Variants in RFTN1 observed in about 807,000 individuals in gnomAD.
RFTN1 encodes the protein raftlin, lipid raft linker 1.
In RFTN1, 26 loss-of-function variants were observed where a neutral mutation model predicts 46.5. That is an observed-to-expected ratio of 0.56 (90% CI 0.41 to 0.78). The LOEUF is 0.78. Ranked by LOEUF, RFTN1 falls within the 30% of genes least tolerant of loss-of-function variation. RFTN1 has a pLI of 0.00. For synonymous variants in RFTN1, 261 were observed against 284.2 expected, an observed-to-expected ratio of 0.92 and a Z score of 0.82; for missense variants, 693 against 718.7, an observed-to-expected ratio of 0.96 and a Z score of 0.41.
intron 2 of RFTN1, among the ~76,000 whole-genome samples, chr3:16,491,962 T>C (rs895615356): frequency 6.6e-6 from 1 of 152,080 alleles, no homozygotes; most frequent in Non-Finnish European, 1.5e-5. Flanking sequence ...AACAAAAAAA[T>C]GGAGGGCCAA....
rs183354653 is a variant in RFTN1 at position 16,320,685 on chromosome 3, C to G, written c.1332+2691G>C. Among the ~76,000 whole-genome samples, 2 of 152,084 alleles carry G rather than the reference C, an allele frequency of 1.3e-5. No homozygotes were observed. The highest frequency in any genetic ancestry group is 2.9e-5 in the Non-Finnish European group (2 of 68,032). On this transcript the variant is annotated intron_variant, in intron 9 of 9. Transcript: ENST00000334133. This position sits in a 1 kb window ranked among gnomAD's most constrained non-coding sequence, Gnocchi z 4.5. ...AGCACTGTTCTGAGAAAAGGATGCT[C>G]GAGTAGAGCTAGAAAGGAGGAGAAT...
chr3:16,350,368 C>T (rs2072013528), intron 7 of RFTN1: 1 of 152,118 alleles, frequency 6.6e-6, no homozygotes, highest in African/African-American at 2.4e-5. Flanking sequence ...AAGAGATGGA[C>T]ATGAAGTATG....
At chr3:16,501,068 G>T (rs2125003827) in intron 1 of RFTN1, among the ~76,000 whole-genome samples, 1 of 152,248 alleles carries the variant, frequency 6.6e-6, no homozygotes, top group East Asian at 1.9e-4. Flanking sequence ...ACCCAGGATT[G>T]CGAGGCTGCA....
Position 16,321,141 on chromosome 3 carries a change from T to G in RFTN1, c.1332+2235A>C, listed in dbSNP as rs1469047961. On this transcript the variant is annotated intron_variant, in intron 9 of 9. Coordinates refer to ENST00000334133, the MANE Select transcript of RFTN1 (RefSeq NM_015150.2). The surrounding 1 kb of genome is among the most constrained non-coding windows in gnomAD (Gnocchi z 4.8). ...TGCAATGCCATTCCTCTAGATAGGG[T>G]GGCGGTTGGCCAGGTGGGCGAGGTA... Among the ~76,000 whole-genome samples the G allele has an allele frequency of 6.6e-6, 1 of 151,504 alleles. No homozygotes were observed. Among genetic ancestry groups the G allele is most frequent in the East Asian group, 1.9e-4 (1 of 5,160 alleles).
chr3:16,398,016 G>A (rs1055257478), intron 4 of RFTN1, among the ~76,000 whole-genome samples: 3 of 152,080 alleles, frequency 2.0e-5, no homozygotes, highest in Non-Finnish European at 4.4e-5. Context: ...GGAGGCTGAG[G>A]CAGGTGGATC....
At position 16,495,282 on chromosome 3, in the gene RFTN1, G is replaced by T. The variant is rs191506389; in HGVS notation, c.-8-1405C>A. Among the ~76,000 whole-genome samples, 434 of 152,360 alleles carry T rather than the reference G, an allele frequency of 2.8e-3. 9 individuals are homozygous for T. The highest frequency in any genetic ancestry group is 1.1e-3 in the Non-Finnish European group (72 of 68,042). On this transcript the variant is annotated intron_variant, in intron 1 of 9. Coordinates refer to ENST00000334133, the MANE Select transcript of RFTN1 (RefSeq NM_015150.2). The stretch of plus-strand genomic sequence containing the variant: ...TATTTAACTGCTGAAAAGCAAGCCG[G>T]CTGGCATCCACTGGGACAAAGCAGA...
At chr3:16,490,924 T>G (rs1426795367) in intron 2 of RFTN1, among the ~76,000 whole-genome samples, 1 of 152,128 alleles carries the variant, frequency 6.6e-6, no homozygotes, top group African/African-American at 2.4e-5. Context: ...ACTCAGCAAA[T>G]ATTTGCTGAT....
rs1156328503 is a variant in RFTN1 at position 16,449,222 on chromosome 3, A to AG, written c.146-15186dup. Among the ~76,000 whole-genome samples the AG allele has an allele frequency of 6.6e-6, 1 of 152,232 alleles. No homozygotes were observed. Among genetic ancestry groups the AG allele is most frequent in the Non-Finnish European group, 1.5e-5 (1 of 68,044 alleles). ...AGTTCTAAATTATGCAGATCCTATT[A>AG]GGCAAATAAAGAACAGAAATCTGGA... On this transcript the variant is annotated intron_variant, in intron 2 of 9. Coordinates refer to ENST00000334133, the MANE Select transcript of RFTN1 (RefSeq NM_015150.2). The surrounding 1 kb of genome is among the most constrained non-coding windows in gnomAD (Gnocchi z 5.1).
Position 16,316,802 on chromosome 3 carries a change from T to C in RFTN1, c.*26A>G. 5 of 1,612,904 alleles carry C rather than the reference T, an allele frequency of 3.1e-6. No homozygotes were observed. The African/African-American group carries it at 5.3e-5, about 17-fold the overall frequency. ...GATGCCTTGGGTTTGGCAACTCACC[T>C]AGTTTTAGCACAAATTGCCCAAGAC... On this transcript the variant is annotated 3_prime_UTR_variant, in exon 10 of 10. Transcript: ENST00000334133. The surrounding 1 kb of genome is among the most constrained non-coding windows in gnomAD (Gnocchi z 4.5).
intron 2 of RFTN1, among the ~76,000 whole-genome samples, chr3:16,455,880 G>T (rs2075896344): frequency 6.6e-6 from 1 of 152,116 alleles, no homozygotes; most frequent in African/African-American, 2.4e-5. Flanking sequence ...ATGCCAAGAA[G>T]AAATACAAAT....
intron 4 of RFTN1, among the ~76,000 whole-genome samples, chr3:16,399,142 T>C (rs1262378794): frequency 6.6e-6 from 1 of 152,184 alleles, no homozygotes; most frequent in Non-Finnish European, 1.5e-5. Flanking sequence ...ATTTTAATGC[T>C]TTACATGGGC....
At chr3:16,409,909 A>T (rs1419796920) in intron 3 of RFTN1, among the ~76,000 whole-genome samples, 3 of 150,534 alleles carry the variant, frequency 2.0e-5, no homozygotes, top group African/African-American at 7.3e-5. Flanking sequence ...CTGGTCTGGA[A>T]CTCCTGATCT....
At position 16,426,464 on chromosome 3, in the gene RFTN1, C is replaced by T. The variant is rs1323628612; in HGVS notation, c.332+7387G>A. 6.6e-6 allele frequency among the ~76,000 whole-genome samples: 1 copy of T among 151,732 alleles called. No individual in the cohort carries two copies. Among genetic ancestry groups the T allele is most frequent in the Non-Finnish European group, 1.5e-5 (1 of 67,968 alleles). On this transcript the variant is annotated intron_variant, in intron 3 of 9. Transcript: ENST00000334133. The surrounding 1 kb of genome is among the most constrained non-coding windows in gnomAD (Gnocchi z 5.9). ...TCCCAATTTTGCCCTTTTCAAATGC[C>T]AAAGAAAATGTTCATATTATCTTGT...
chr3:16,363,822 C>T (rs1210938042), intron 6 of RFTN1, among the ~76,000 whole-genome samples: 2 of 151,426 alleles, frequency 1.3e-5, no homozygotes, highest in Non-Finnish European at 2.9e-5. Flanking sequence ...CATCAGAGGT[C>T]GCACAGCACC....
Position 16,321,034 on chromosome 3 carries a change from G to A in RFTN1, c.1332+2342C>T, listed in dbSNP as rs1231839886. Among the ~76,000 whole-genome samples the A allele has an allele frequency of 2.6e-5, 4 of 152,124 alleles. No individual in the cohort carries two copies. Among genetic ancestry groups the A allele is most frequent in the South Asian group, 2.1e-4 (1 of 4,820 alleles). On this transcript the variant is annotated intron_variant, in intron 9 of 9. Transcript: ENST00000334133. This position sits in a 1 kb window ranked among gnomAD's most constrained non-coding sequence, Gnocchi z 4.8. ...GAAGTGGAGGGATTCCAGAGCCTCC[G>A]GGACCTAACACAGATGGGTCTTAAG... is the stretch of plus-strand genomic sequence containing the variant.
In RFTN1 at chr3:16,403,655, A is replaced by AT. The variant is rs1365057601; in HGVS notation, c.441+5719dup. Reference sequence around the variant, plus strand: ...ATATAATATATAATATATATATAATATATATTTTATGTATATAATATATAA... The same window carrying AT: ...ATATAATATATAATATATATATAATATTATATTTTATGTATATAATATATAA... On this transcript the variant is annotated intron_variant, in intron 4 of 9. Transcript: ENST00000334133. Among the ~76,000 whole-genome samples the AT allele has an allele frequency of 1.7e-3, 71 of 41,126 alleles. 6 individuals carry two copies. The highest frequency in any genetic ancestry group is 9.6e-3 in the Middle Eastern group (1 of 104). 27.0% of individuals were successfully genotyped at this position (41,126 alleles called of 152,430 possible).
chr3:16,409,581 G>C, intron 3 of RFTN1, 98 bp from the exon 4 acceptor site: 1 of 776,478 alleles, frequency 1.3e-6, no homozygotes, highest in Non-Finnish European at 2.1e-6. Flanking sequence ...GCAATGACGC[G>C]ATCTCGGCTC....
At chr3:16,357,406 A>G (rs2072525395) in intron 7 of RFTN1, among the ~76,000 whole-genome samples, 1 of 152,238 alleles carries the variant, frequency 6.6e-6, no homozygotes, top group African/African-American at 2.4e-5. Flanking sequence ...GACATTCTTC[A>G]GTATTTAATG....
Position 16,385,322 on chromosome 3 carries a change from C to T in RFTN1, c.442-7220G>A, listed in dbSNP as rs2074133468. Among the ~76,000 whole-genome samples the T allele has an allele frequency of 6.6e-6, 1 of 152,194 alleles. No homozygotes were observed. The highest frequency in any genetic ancestry group is 1.5e-5 in the Non-Finnish European group (1 of 68,042). On this transcript the variant is annotated intron_variant, in intron 4 of 9. Transcript: ENST00000334133. This position sits in a 1 kb window ranked among gnomAD's most constrained non-coding sequence, Gnocchi z 5.0. ...CATCTGAAGCCGCCTTTAGTTTTGA[C>T]ATGTTAACACTTAGCTGCAGAAATT...
Sources: gnomAD v4.1 joint callset for allele counts (sites outside exome capture counted in the v4.1 genomes callset) on GRCh38, gnomAD v4.1.1 for gene constraint, Gnocchi (gnomAD v3.1) non-coding constraint, MANE v1.5 for transcripts, NCBI Gene and HGNC (gene_info 2026-07-23, HGNC 2026-07-21) for gene names.